Variants in AHCTF1 observed in about 807,000 individuals in gnomAD.
AHCTF1 encodes the protein protein ELYS.
In AHCTF1, 24 loss-of-function variants were observed where a neutral mutation model predicts 248.4. That is an observed-to-expected ratio of 0.10 (90% confidence interval 0.07 to 0.14). AHCTF1 has a LOEUF of 0.14. Ranked by LOEUF, AHCTF1 falls within the 10% of genes least tolerant of loss-of-function variation. The pLI, the probability that AHCTF1 is intolerant of heterozygous loss-of-function variation, is 1.00. For missense variants in AHCTF1, 2,206 were observed against 2,636.2 expected (o/e 0.84, Z 3.57); for synonymous variants, 786 against 929.8 (o/e 0.85, Z 2.81).
intron 1 of AHCTF1, among the ~76,000 whole-genome samples, chr1:246,921,788 T>C (rs1666565634): frequency 6.6e-6 from 1 of 152,138 alleles, no homozygotes; most frequent in South Asian, 2.1e-4. Context: ...CCTTAACAAA[T>C]ACGAAATATG....
At position 246,905,530 on chromosome 1, in the gene AHCTF1, A is replaced by G. The variant is rs748040755; in HGVS notation, c.881+11T>C. 1.5e-5 allele frequency: 24 copies of G among 1,598,284 alleles called. 1 individual carries two copies. The Admixed American group carries it at 4.0e-4, about 27-fold the overall frequency. On this transcript the variant is annotated intron_variant, in intron 6 of 35. Transcript: ENST00000648844. ...CAAAACAAAACAAAACAAAGTTTGT[A>G]TGAGACCTACCTATCTTGTGTAGAC... is the stretch of plus-strand genomic sequence containing the variant.
intron 1 of AHCTF1, among the ~76,000 whole-genome samples, chr1:246,924,321 T>C (rs1440870695): frequency 6.6e-6 from 1 of 152,216 alleles, no homozygotes; most frequent in African/African-American, 2.4e-5. Context: ...CAATAATCTC[T>C]ATGAATTCTT....
chr1:246,848,305 C>T (rs530224202), intron 33 of AHCTF1, among the ~76,000 whole-genome samples: 107 of 152,024 alleles, frequency 7.0e-4, no homozygotes, highest in African/African-American at 2.5e-3. Context: ...GCTCTGCCTC[C>T]CAGGTTCACA....
intron 15 of AHCTF1, 138 bp downstream of exon 15, chr1:246,891,641 A>G (rs1664211483): frequency 2.3e-6 from 2 of 888,114 alleles, no homozygotes; most frequent in African/African-American, 3.6e-5. Context: ...ACAAAGAAAC[A>G]AACAAAAACC....
chr1:246,854,428 A>C (rs1660955673), intron 31 of AHCTF1, among the ~76,000 whole-genome samples: 1 of 152,168 alleles, frequency 6.6e-6, no homozygotes, highest in Admixed American at 6.5e-5. Flanking sequence ...ACAGCAAAAC[A>C]AACCCCAAAA....
At chr1:246,858,612 G>C (rs1166998941) in intron 29 of AHCTF1, among the ~76,000 whole-genome samples, 1 of 151,404 alleles carries the variant, frequency 6.6e-6, no homozygotes, top group Non-Finnish European at 1.5e-5. Context: ...GGCAGATCAC[G>C]AGGTCAGGAG....
At chr1:246,907,489 G>A in intron 5 of AHCTF1, 62 bp downstream of exon 5, 1 of 1,391,484 alleles carries the variant, frequency 7.2e-7, no homozygotes, top group Non-Finnish European at 9.9e-7. Context: ...ATTAGTAAAT[G>A]AGTACAAGCT....
At position 246,850,190 on chromosome 1, in the gene AHCTF1, C is replaced by T. The variant is rs143303729; in HGVS notation, c.5816G>A (p.Arg1939Lys). 7,489 of 1,613,970 alleles carry T rather than the reference C, an allele frequency of 4.6e-3. 19 individuals carry two copies. The highest frequency in any genetic ancestry group is 6.1e-3 in the Non-Finnish European group (7,192 of 1,179,862). The change falls in exon 33 of 36, where the codon AGA becomes AAA. Residue 1939 changes from arginine (R) to lysine (K), a missense_variant. Physicochemically the swap from Arg to Lys is conservative, Grantham distance 26. This residue lies in a region of AHCTF1 where 469 missense variants were observed against 470.0 expected (regional missense o/e 1.00). Transcript: ENST00000648844. The part of the protein sequence containing the change: ...QLRIKHVRRV[R>K]GREVSPSDVR... ...ATCTGATGGACTAACTTCTCTCCCT[C>T]TGACCCTTCTAACATGTTTAATACG...
intron 24 of AHCTF1, among the ~76,000 whole-genome samples, chr1:246,868,829 TTG>T (rs1363496827): frequency 1.4e-5 from 2 of 143,556 alleles, no homozygotes; most frequent in African/African-American, 5.4e-5. Context: ...CTTTGCTTCA[TTG>T]TGTGTGTGTT....
chr1:246,913,894 T>C (rs534559843), intron 3 of AHCTF1, among the ~76,000 whole-genome samples: 1 of 152,264 alleles, frequency 6.6e-6, no homozygotes, highest in East Asian at 1.9e-4. Flanking sequence ...TAAAAACTAA[T>C]CATTCCAGAA....
chr1:246,930,842 G>A (rs1041375529), intron 1 of AHCTF1, among the ~76,000 whole-genome samples: 1 of 152,100 alleles, frequency 6.6e-6, no homozygotes, highest in African/African-American at 2.4e-5. Flanking sequence ...TACAACTGAC[G>A]ATTTGGAAAT....
chr1:246,906,080 C>G (rs547577611), intron 5 of AHCTF1, among the ~76,000 whole-genome samples: 1 of 152,150 alleles, frequency 6.6e-6, no homozygotes, highest in African/African-American at 2.4e-5. Flanking sequence ...TACAAAGAGA[C>G]GAGATACTGC....
At chr1:246,878,941 T>C (rs1484163261) in intron 21 of AHCTF1, among the ~76,000 whole-genome samples, 1 of 152,198 alleles carries the variant, frequency 6.6e-6, no homozygotes, top group Non-Finnish European at 1.5e-5. Flanking sequence ...TAGAAGAGTG[T>C]TCATCTGCGT....
At chr1:246,875,961 G>A in intron 24 of AHCTF1, 76 bp downstream of exon 24, 1 of 1,364,480 alleles carries the variant, frequency 7.3e-7, no homozygotes, top group Non-Finnish European at 9.9e-7. Context: ...CTAAATTTAA[G>A]GTGGTTTCAG....
At position 246,867,228 on chromosome 1, in the gene AHCTF1, T is replaced by G. The variant is rs530917521; in HGVS notation, c.3347+16A>C. The G allele has an allele frequency of 6.9e-7, 1 of 1,447,780 alleles. No individual in the cohort carries two copies. Among genetic ancestry groups the G allele is most frequent in the East Asian group, 2.3e-5 (1 of 43,070 alleles). 89.7% of individuals were successfully genotyped at this position (1,447,780 alleles called of 1,614,324 possible). On this transcript the variant is annotated intron_variant, in intron 26 of 35. Transcript: ENST00000648844. ...TCTAACATTGTGTCTCTAAGAATGA[T>G]TTAATAAACTCTTACCTAGAAATTT...
At chr1:246,869,843 T>C (rs971870378) in intron 24 of AHCTF1, among the ~76,000 whole-genome samples, 1 of 152,212 alleles carries the variant, frequency 6.6e-6, no homozygotes, top group African/African-American at 2.4e-5. Flanking sequence ...TCTGTAACCC[T>C]GGATCACAGT....
chr1:246,922,500 A>G (rs1666612355), intron 1 of AHCTF1, among the ~76,000 whole-genome samples: 1 of 150,906 alleles, frequency 6.6e-6, no homozygotes, highest in South Asian at 2.1e-4. Flanking sequence ...ATCAGAGCTC[A>G]ATGCAGCCTC....
intron 24 of AHCTF1, among the ~76,000 whole-genome samples, chr1:246,868,948 C>T (rs189171214): frequency 1.3e-5 from 2 of 150,514 alleles, no homozygotes; most frequent in African/African-American, 2.5e-5. Flanking sequence ...GGGTTCACGC[C>T]ATTCTCCTGC....
At chr1:246,900,024 G>C in intron 10 of AHCTF1, 41 bp downstream of exon 10, 1 of 1,528,192 alleles carries the variant, frequency 6.5e-7, no homozygotes, top group Non-Finnish European at 8.9e-7. Flanking sequence ...ATACTTTTGT[G>C]CATTACTTTT....
Sources: gnomAD v4.1 joint callset for allele counts (sites outside exome capture counted in the v4.1 genomes callset) on GRCh38, gnomAD v4.1.1 for gene constraint, gnomAD v4.1.1 regional missense constraint, MANE v1.5 for transcripts, NCBI Gene and HGNC (gene_info 2026-07-23, HGNC 2026-07-21) for gene names.